CLSTN2: variants seen among roughly 807,000 people sequenced by gnomAD.
CLSTN2 encodes the protein calsyntenin 2.
In CLSTN2, 48 loss-of-function variants were observed where a neutral mutation model predicts 101.2. The ratio of observed to expected loss-of-function variants is 0.47; its 90% CI spans 0.38 to 0.60. CLSTN2 has a LOEUF of 0.60. CLSTN2 is among the 20% of genes least tolerant of loss of function. The probability of loss-of-function intolerance (pLI) is 0.00; values close to 1 mark genes in which losing one functional copy is unlikely to be tolerated. For missense variants in CLSTN2, 1,160 were observed against 1,238.2 expected (o/e 0.94, Z 0.95); for synonymous variants, 481 against 463.6 (o/e 1.04, Z -0.48).
chr3:139,979,802 T>C (rs1237133964), intron 1 of CLSTN2, among the ~76,000 whole-genome samples: 1 of 152,014 alleles, frequency 6.6e-6, no homozygotes, highest in Non-Finnish European at 1.5e-5. Flanking sequence ...TCATCATCAT[T>C]AGCCAGGATT....
At chr3:140,477,017 G>T (rs1003987387) in intron 8 of CLSTN2, among the ~76,000 whole-genome samples, 1 of 152,146 alleles carries the variant, frequency 6.6e-6, no homozygotes, top group Non-Finnish European at 1.5e-5. Flanking sequence ...TAATGAGAAG[G>T]CTGTTCATTC....
intron 8 of CLSTN2, among the ~76,000 whole-genome samples, chr3:140,483,522 T>A (rs944544756): frequency 2.0e-5 from 3 of 152,230 alleles, no homozygotes; most frequent in African/African-American, 7.2e-5. Flanking sequence ...CGCATTGATC[T>A]GTCTAATGTT....
At position 140,150,064 on chromosome 3, in the gene CLSTN2, A is replaced by T. The variant is rs1010779189; in HGVS notation, c.110-25887A>T. Among the ~76,000 whole-genome samples the T allele has an allele frequency of 7.2e-5, 11 of 152,302 alleles. No individual in the cohort carries two copies. The South Asian group carries it at 2.3e-3, about 32-fold the overall frequency. On this transcript the variant is annotated intron_variant, in intron 1 of 16. Transcript: ENST00000458420. ...TGAGGCATCACCCTTCAGTGAAGATAGAGGTGAATATACATGTTTGTGGCA... is the reference window on the plus strand; with the variant it reads ...TGAGGCATCACCCTTCAGTGAAGATTGAGGTGAATATACATGTTTGTGGCA...
At chr3:140,052,632 A>C (rs1234139837) in intron 1 of CLSTN2, among the ~76,000 whole-genome samples, 7 of 152,132 alleles carry the variant, frequency 4.6e-5, no homozygotes, top group Admixed American at 4.6e-4. Context: ...CCACCACCAC[A>C]AAGTCGGATT....
At chr3:140,508,240 C>T (rs955795878) in intron 8 of CLSTN2, 5 of 137,912 alleles carry the variant, frequency 3.6e-5, no homozygotes, top group Non-Finnish European at 7.4e-5. Flanking sequence ...CTTGGACAGA[C>T]GGCACTGCTG....
intron 2 of CLSTN2, among the ~76,000 whole-genome samples, chr3:140,215,975 C>T (rs530626771): frequency 6.6e-6 from 1 of 152,286 alleles, no homozygotes; most frequent in South Asian, 2.1e-4. Flanking sequence ...CCCCTGGGGC[C>T]TCGGGCCATT....
At chr3:140,123,598 C>T (rs1204133747) in intron 1 of CLSTN2, among the ~76,000 whole-genome samples, 1 of 152,026 alleles carries the variant, frequency 6.6e-6, no homozygotes, top group Non-Finnish European at 1.5e-5. Flanking sequence ...GCTCAGGCTG[C>T]CATAACTAAG....
At chr3:140,171,891 A>G (rs13094103) in intron 1 of CLSTN2, among the ~76,000 whole-genome samples, 7,826 of 126,474 alleles carry the variant, frequency 0.062, 371 homozygotes, top group African/African-American at 0.091. Flanking sequence ...TATATTATAT[A>G]ATATATATTA....
At chr3:140,344,355 C>T (rs941269722) in intron 2 of CLSTN2, among the ~76,000 whole-genome samples, 5 of 152,202 alleles carry the variant, frequency 3.3e-5, no homozygotes, top group African/African-American at 7.2e-5. Context: ...TAAGCCTGTG[C>T]TCACGTCATG....
chr3:140,510,499 G>T (rs187031), intron 8 of CLSTN2, among the ~76,000 whole-genome samples: 45,243 of 152,088 alleles, frequency 0.3, 6,971 homozygotes, highest in East Asian at 0.46. Context: ...TTCCATGCTC[G>T]AAGCACAAAT....
At chr3:140,175,100 G>A (rs1308715742) in intron 1 of CLSTN2, among the ~76,000 whole-genome samples, 12 of 151,880 alleles carry the variant, frequency 7.9e-5, no homozygotes, top group East Asian at 3.9e-4. Context: ...TAATCATATC[G>A]GATGCGGAAC....
At chr3:140,555,858 C>T (rs1410961798) in intron 10 of CLSTN2, among the ~76,000 whole-genome samples, 1 of 152,132 alleles carries the variant, frequency 6.6e-6, no homozygotes, top group Non-Finnish European at 1.5e-5. Flanking sequence ...CGCTACATGG[C>T]CTTTGGCAAG....
intron 1 of CLSTN2, among the ~76,000 whole-genome samples, chr3:140,074,752 G>A (rs987256745): frequency 1.3e-5 from 2 of 152,122 alleles, no homozygotes; most frequent in Non-Finnish European, 2.9e-5. Flanking sequence ...TCCGGAGCCT[G>A]AGCTTGGGGA....
intron 1 of CLSTN2, among the ~76,000 whole-genome samples, chr3:140,032,255 T>G (rs1026633527): frequency 1.3e-5 from 2 of 151,320 alleles, no homozygotes; most frequent in African/African-American, 2.4e-5. Flanking sequence ...TTTTTTTGAG[T>G]CTGCTTAAAA....
chr3:140,539,723 C>G (rs1244618007), intron 9 of CLSTN2, among the ~76,000 whole-genome samples: 1 of 152,186 alleles, frequency 6.6e-6, no homozygotes, highest in Non-Finnish European at 1.5e-5. Flanking sequence ...GTCCTCACAA[C>G]CTGATGCATA....
At chr3:140,422,860 A>G (rs770544924) in intron 5 of CLSTN2, among the ~76,000 whole-genome samples, 1 of 152,204 alleles carries the variant, frequency 6.6e-6, no homozygotes, top group Non-Finnish European at 1.5e-5. Context: ...TGCTCAAGAA[A>G]TAGTCATTGA....
rs1985434297 is a variant in CLSTN2, at chr3:140,569,024, A to C, written c.*2771A>C. Reference sequence around the variant, plus strand: ...GTCAGCTACAAAGATCAGGCACTTGAATGAATCCGCTGGGTTGGCAGGCAT... The same window carrying C: ...GTCAGCTACAAAGATCAGGCACTTGCATGAATCCGCTGGGTTGGCAGGCAT... On this transcript the variant is annotated 3_prime_UTR_variant, in exon 17 of 17. Transcript: ENST00000458420. 6.6e-6 allele frequency: 1 copy of C among 152,256 alleles called. No homozygotes were observed. The highest frequency in any genetic ancestry group is 1.5e-5 in the Non-Finnish European group (1 of 68,088). 9.4% of individuals were successfully genotyped at this position (152,256 alleles called of 1,614,324 possible).
At chr3:140,253,102 G>GACAAGGTAC (rs1198610277) in intron 2 of CLSTN2, among the ~76,000 whole-genome samples, 2 of 152,208 alleles carry the variant, frequency 1.3e-5, no homozygotes, top group Admixed American at 6.5e-5. Context: ...TGCCTGTGTA[G>GACAAGGTAC]ACCAGGTACA....
intron 15 of CLSTN2, among the ~76,000 whole-genome samples, chr3:140,563,470 T>C (rs1473150977): frequency 6.6e-6 from 1 of 152,072 alleles, no homozygotes; most frequent in Non-Finnish European, 1.5e-5. Flanking sequence ...CTCAAAACAA[T>C]GTCATGTATG....
Sources: gnomAD v4.1 joint callset for allele counts (sites outside exome capture counted in the v4.1 genomes callset) on GRCh38, gnomAD v4.1.1 for gene constraint, MANE v1.5 for transcripts, NCBI Gene and HGNC (gene_info 2026-07-23, HGNC 2026-07-21) for gene names.